Variants in PHF20 observed in about 807,000 individuals in gnomAD.
PHF20 encodes PHD finger protein 20, also known as glioma-expressed antigen 2.
Under a neutral mutation model 113.5 loss-of-function variants are expected in PHF20, and 23 were observed. The observed-to-expected ratio is 0.20, with a 90% confidence interval of 0.15 to 0.29. The LOEUF is 0.29. PHF20 is among the 10% of genes least tolerant of loss of function. The pLI is 1.00. For missense variants in PHF20, 943 were observed against 1,219.6 expected (o/e 0.77, Z 3.38); for synonymous variants, 434 against 457.3 (o/e 0.95, Z 0.65).
chr20:35,814,417 C>G (rs1406317006), intron 2 of PHF20, among the ~76,000 whole-genome samples: 1 of 151,238 alleles, frequency 6.6e-6, no homozygotes, highest in Non-Finnish European at 1.5e-5. Flanking sequence ...GGGTTTCACC[C>G]TCTTGGCCAG....
intron 17 of PHF20, among the ~76,000 whole-genome samples, chr20:35,942,365 T>C (rs2055999523): frequency 6.6e-6 from 1 of 152,140 alleles, no homozygotes; most frequent in East Asian, 1.9e-4. Flanking sequence ...GACAAAAAAG[T>C]GTAGCTCTTG....
chr20:35,856,757 A>G (rs1372957338), intron 4 of PHF20, among the ~76,000 whole-genome samples: 1 of 152,236 alleles, frequency 6.6e-6, no homozygotes, highest in East Asian at 1.9e-4. Flanking sequence ...CTTAAAGATC[A>G]GTGAGTGGCA....
intron 4 of PHF20, among the ~76,000 whole-genome samples, chr20:35,855,877 C>T (rs907666746): frequency 6.6e-6 from 1 of 152,088 alleles, no homozygotes; most frequent in Non-Finnish European, 1.5e-5. Context: ...CAGGGTTTCA[C>T]CATGTTGGCC....
chr20:35,929,094 C>G (rs1285606131), intron 14 of PHF20, among the ~76,000 whole-genome samples: 2 of 152,228 alleles, frequency 1.3e-5, no homozygotes, highest in Non-Finnish European at 2.9e-5. Context: ...GCTTGAGAGC[C>G]TCTGCTTCCG....
At chr20:35,917,728 GC>G in intron 13 of PHF20, 66 bp downstream of exon 13, 1 of 1,398,244 alleles carries the variant, frequency 7.2e-7, no homozygotes, top group Middle Eastern at 2.5e-4. Context: ...GAATTTTGAG[GC>G]CAGCAACAAT....
At chr20:35,929,000 A>AT (rs1165875760) in intron 14 of PHF20, among the ~76,000 whole-genome samples, 8 of 152,126 alleles carry the variant, frequency 5.3e-5, no homozygotes, top group African/African-American at 1.7e-4. Context: ...CTTGGTTTCC[A>AT]TGGGATGGTG....
At chr20:35,928,906 T>A (rs182784495) in intron 14 of PHF20, among the ~76,000 whole-genome samples, 4 of 152,300 alleles carry the variant, frequency 2.6e-5, no homozygotes, top group Admixed American at 2.6e-4. Context: ...GCAGGATCAG[T>A]TAGTTCCATG....
At chr20:35,844,818 C>T (rs2042594570) in intron 3 of PHF20, among the ~76,000 whole-genome samples, 1 of 151,972 alleles carries the variant, frequency 6.6e-6, no homozygotes, top group Non-Finnish European at 1.5e-5. Context: ...TAGCTATACC[C>T]ATTTTAAGTG....
intron 10 of PHF20, among the ~76,000 whole-genome samples, chr20:35,902,329 G>A (rs1047348900): frequency 6.6e-6 from 1 of 152,228 alleles, no homozygotes; most frequent in Non-Finnish European, 1.5e-5. Flanking sequence ...CATCTGGGCA[G>A]GATGAGGGTA....
rs373672038 is a variant in PHF20, at chr20:35,814,059, T to A, written c.83+12454T>A. Among the ~76,000 whole-genome samples, 35 of 149,704 alleles carry A rather than the reference T, an allele frequency of 2.3e-4. No homozygotes were observed. In the East Asian group the frequency reaches 6.5e-3, roughly 28 times the overall value. On this transcript the variant is annotated intron_variant, in intron 2 of 17. Coordinates refer to ENST00000374012, the MANE Select transcript of PHF20 (RefSeq NM_016436.5). ...TCTCTAAATAAAATAAATAAATAAA[T>A]AAATAAAATAAAACATTGGTTTTTA...
chr20:35,798,564 C>G (rs532080152), intron 1 of PHF20, among the ~76,000 whole-genome samples: 1 of 151,672 alleles, frequency 6.6e-6, no homozygotes, highest in Non-Finnish European at 1.5e-5. Context: ...AAGTGATTCT[C>G]CTGCCTCAGC....
At chr20:35,825,312 C>A (rs866669990) in intron 2 of PHF20, among the ~76,000 whole-genome samples, 1 of 151,966 alleles carries the variant, frequency 6.6e-6, no homozygotes, top group Non-Finnish European at 1.5e-5. Flanking sequence ...TGCATACCAC[C>A]GTGCCCAGCT....
At position 35,832,590 on chromosome 20, in the gene PHF20, A is replaced by C. The variant is rs73902912; in HGVS notation, c.84-9983A>C. Among the ~76,000 whole-genome samples, 1,471 of 152,286 alleles carry C rather than the reference A, an allele frequency of 9.7e-3. 16 individuals carry two copies. The highest frequency in any genetic ancestry group is 0.04 in the East Asian group (205 of 5,178). ...TCAGAGATTCTGAGGCTATGGGAGG[A>C]TAAGGATGTTGCCTGGGAAGAGTGG... is the stretch of plus-strand genomic sequence containing the variant. On this transcript the variant is annotated intron_variant, in intron 2 of 17. Coordinates refer to ENST00000374012, the MANE Select transcript of PHF20 (RefSeq NM_016436.5).
intron 2 of PHF20, among the ~76,000 whole-genome samples, chr20:35,835,925 A>G (rs1189644426): frequency 2.0e-5 from 3 of 152,222 alleles, no homozygotes; most frequent in African/African-American, 7.2e-5. Flanking sequence ...ATGAGACTTC[A>G]TCTCAAAAAA....
intron 1 of PHF20, among the ~76,000 whole-genome samples, chr20:35,788,072 G>A (rs184082344): frequency 1.0e-4 from 15 of 149,114 alleles, no homozygotes; most frequent in Admixed American, 8.7e-4. Context: ...GCTACCTAGC[G>A]CAGCTCTATA....
rs2055925392 is a variant in PHF20 at position 35,939,011 on chromosome 20, A to G, written c.2615A>G (p.His872Arg). The change falls in exon 16 of 18, where the codon CAT (histidine) becomes CGT (arginine). Residue 872 changes from histidine to arginine, a missense_variant. Physicochemically the swap from His to Arg is conservative, Grantham distance 29 (BLOSUM62 0). Around this residue, in one of 3 missense-constraint regions of PHF20, gnomAD observed 349 missense variants for 412.3 expected, o/e 0.85. Coordinates refer to ENST00000374012, the MANE Select transcript of PHF20 (RefSeq NM_016436.5). ...SALDDAVNPL[H>R]ENGDDSLSPR... is the part of the protein sequence containing the mutation. ...CTCGACGATGCGGTCAACCCCCTCC[A>G]TGAGAACGGCGATGATTCCCTTTCC... The G allele has an allele frequency of 6.2e-7, 1 of 1,614,178 alleles. No individual in the cohort carries two copies. The highest frequency in any genetic ancestry group is 1.1e-5 in the South Asian group (1 of 91,084).
intron 1 of PHF20, among the ~76,000 whole-genome samples, chr20:35,774,296 C>T (rs965167884): frequency 2.6e-5 from 4 of 152,016 alleles, no homozygotes; most frequent in East Asian, 1.9e-4. Context: ...TGGTCTCGAT[C>T]TCCTGACCTC....
chr20:35,850,476 A>C (rs1475035554), intron 4 of PHF20, among the ~76,000 whole-genome samples: 1 of 147,690 alleles, frequency 6.8e-6, no homozygotes, highest in African/African-American at 2.5e-5. Flanking sequence ...ACACCTGGCT[A>C]ATTTATATAT....
intron 1 of PHF20, among the ~76,000 whole-genome samples, chr20:35,777,503 T>C (rs1462467356): frequency 6.6e-6 from 1 of 152,232 alleles, no homozygotes; most frequent in African/African-American, 2.4e-5. Flanking sequence ...GTATCCTAAG[T>C]GCAAATACCA....
Sources: gnomAD v4.1 joint callset for allele counts (sites outside exome capture counted in the v4.1 genomes callset) on GRCh38, gnomAD v4.1.1 for gene constraint, gnomAD v4.1.1 regional missense constraint, MANE v1.5 for transcripts, NCBI Gene and HGNC (gene_info 2026-07-23, HGNC 2026-07-21) for gene names.